The following SH3RF1 variants were observed in gnomAD, a reference collection of about 807,000 sequenced individuals.
SH3RF1 encodes E3 ubiquitin-protein ligase SH3RF1.
SH3RF1 carries 32 observed loss-of-function variants against 74.0 expected under a neutral mutation model. That is an observed-to-expected ratio of 0.43 (90% CI 0.33 to 0.58). The LOEUF (loss-of-function observed/expected upper bound fraction) is 0.58, where lower values mean the gene tolerates loss of function less well. SH3RF1 is among the 20% of genes least tolerant of loss of function. The pLI is 0.05. For synonymous variants in SH3RF1, 396 were observed against 439.6 expected, an observed-to-expected ratio of 0.90 and a Z score of 1.24; for missense variants, 954 against 1,130.9, an observed-to-expected ratio of 0.84 and a Z score of 2.24.
intron 11 of SH3RF1, among the ~76,000 whole-genome samples, chr4:169,100,161 TTA>T (rs945366159): frequency 2.0e-5 from 3 of 152,082 alleles, no homozygotes; most frequent in African/African-American, 7.2e-5. Flanking sequence ...CTCACTCGGA[TTA>T]TGCTTTTCTT....
chr4:169,187,216 T>C (rs1561047796), intron 2 of SH3RF1, among the ~76,000 whole-genome samples: 1 of 152,150 alleles, frequency 6.6e-6, no homozygotes, highest in Non-Finnish European at 1.5e-5. Context: ...GCTGACTGAT[T>C]GAAACAGGGT....
chr4:169,243,391 T>C (rs553936540), intron 2 of SH3RF1, among the ~76,000 whole-genome samples: 1 of 152,336 alleles, frequency 6.6e-6, no homozygotes, highest in South Asian at 2.1e-4. Context: ...CGCATGCCTG[T>C]AATCCCAGCT....
intron 4 of SH3RF1, among the ~76,000 whole-genome samples, chr4:169,151,963 G>A (rs1336951311): frequency 6.6e-6 from 1 of 152,170 alleles, no homozygotes; most frequent in Non-Finnish European, 1.5e-5. Flanking sequence ...TTGAATGAAT[G>A]AGTCAGCTCC....
rs545733844 is a variant in SH3RF1, at chr4:169,269,330, G to A, written c.-95-23C>T. The A allele has an allele frequency of 2.3e-4, 254 of 1,122,544 alleles. No homozygotes were observed. The African/African-American group carries it at 3.7e-3, about 16-fold the overall frequency. 69.5% of individuals were successfully genotyped at this position (1,122,544 alleles called of 1,614,324 possible). A position where few individuals can be genotyped will look rare whatever the true frequency, so the allele number is the denominator to read the frequency against. ...GCTCTAGAGTCATGGGGAAAAGGGGGAAAAGAGAACATGAGTGTTGTTATC... is the reference window on the plus strand; with the variant it reads ...GCTCTAGAGTCATGGGGAAAAGGGGAAAAAGAGAACATGAGTGTTGTTATC... On this transcript the variant is annotated intron_variant, in intron 1 of 11. Transcript: ENST00000284637.
intron 2 of SH3RF1, among the ~76,000 whole-genome samples, chr4:169,206,141 C>T (rs1730253417): frequency 6.6e-6 from 1 of 152,224 alleles, no homozygotes; most frequent in Non-Finnish European, 1.5e-5. Flanking sequence ...TAAAGAGCAT[C>T]TCTTGCATAT....
intron 4 of SH3RF1, among the ~76,000 whole-genome samples, chr4:169,140,846 C>G (rs6856344): frequency 0.19 from 28,321 of 152,026 alleles, 2,686 homozygotes; most frequent in African/African-American, 0.22. Context: ...AACAGTAGAT[C>G]TGAGAAGTAA....
intron 2 of SH3RF1, among the ~76,000 whole-genome samples, chr4:169,159,842 G>A (rs1299666295): frequency 6.6e-6 from 1 of 152,110 alleles, no homozygotes; most frequent in Non-Finnish European, 1.5e-5. Flanking sequence ...TGCAAAGAAT[G>A]TTCCTCCTAG....
chr4:169,160,491 A>G (rs1325493695), intron 2 of SH3RF1, among the ~76,000 whole-genome samples: 1 of 152,366 alleles, frequency 6.6e-6, no homozygotes, highest in East Asian at 1.9e-4. Context: ...GATGCAACTG[A>G]AAATTCATTA....
chr4:169,215,636 TTG>T (rs1469686755), intron 2 of SH3RF1, among the ~76,000 whole-genome samples: 1 of 152,198 alleles, frequency 6.6e-6, no homozygotes, highest in Non-Finnish European at 1.5e-5. Context: ...CCTATACAGA[TTG>T]TCTCTTCACT....
At chr4:169,189,940 A>G (rs1287785130) in intron 2 of SH3RF1, among the ~76,000 whole-genome samples, 1 of 152,242 alleles carries the variant, frequency 6.6e-6, no homozygotes, top group African/African-American at 2.4e-5. Context: ...AAAACCATGC[A>G]AATACATGGA....
At chr4:169,113,340 C>T (rs1435091133) in intron 10 of SH3RF1, among the ~76,000 whole-genome samples, 1 of 152,104 alleles carries the variant, frequency 6.6e-6, no homozygotes, top group Non-Finnish European at 1.5e-5. Flanking sequence ...CAACTCCTGA[C>T]CTCAGGTGAT....
At chr4:169,182,862 A>G (rs550798970) in intron 2 of SH3RF1, among the ~76,000 whole-genome samples, 1 of 152,212 alleles carries the variant, frequency 6.6e-6, no homozygotes, top group Non-Finnish European at 1.5e-5. Flanking sequence ...CAACCAAAAA[A>G]AAAAGGAGAA....
Position 169,120,840 on chromosome 4 carries a change from T to C in SH3RF1, c.1496A>G (p.Asn499Ser), listed in dbSNP as rs1312434459. The change falls in exon 8 of 12, where the codon AAT (asparagine) becomes AGT (serine). Residue 499 changes from asparagine (N) to serine (S), a missense_variant. Asn to Ser is a conservative substitution (Grantham distance 46). Around this residue, in one of 3 missense-constraint regions of SH3RF1, gnomAD observed 854 missense variants for 962.5 expected, o/e 0.89. Coordinates refer to ENST00000284637, the MANE Select transcript of SH3RF1 (RefSeq NM_020870.4). ...ATACCTTGTGACTGGTGCCACATAA[T>C]TGCCAGGGAAAACCCCTATCTTGCT... ...HTSKIGVFPG[N>S]YVAPVTRAVT... The C allele has an allele frequency of 2.5e-6, 4 of 1,614,064 alleles. No individual in the cohort carries two copies. In the South Asian group the frequency reaches 3.3e-5, roughly 13 times the overall value.
At chr4:169,187,195 T>C (rs1182807903) in intron 2 of SH3RF1, among the ~76,000 whole-genome samples, 1 of 152,134 alleles carries the variant, frequency 6.6e-6, no homozygotes, top group African/African-American at 2.4e-5. Context: ...CACGTATATA[T>C]GTATGTATGT....
chr4:169,234,610 T>C (rs983799855), intron 2 of SH3RF1, among the ~76,000 whole-genome samples: 18 of 152,168 alleles, frequency 1.2e-4, no homozygotes, highest in African/African-American at 4.3e-4. Context: ...GACTTTGCTA[T>C]ACCTCACAGC....
At chr4:169,164,310 T>A (rs1734196426) in intron 2 of SH3RF1, among the ~76,000 whole-genome samples, 1 of 152,132 alleles carries the variant, frequency 6.6e-6, no homozygotes, top group Admixed American at 6.5e-5. Flanking sequence ...GACTGAGTGG[T>A]AAGGTGTGGA....
chr4:169,108,273 C>G (rs1158210029), intron 10 of SH3RF1, among the ~76,000 whole-genome samples: 1 of 152,166 alleles, frequency 6.6e-6, no homozygotes, highest in Non-Finnish European at 1.5e-5. Flanking sequence ...TTAAGGCCCA[C>G]TAACAGGGAA....
At chr4:169,264,976 T>C (rs1214013638) in intron 2 of SH3RF1, among the ~76,000 whole-genome samples, 1 of 152,184 alleles carries the variant, frequency 6.6e-6, no homozygotes, top group East Asian at 1.9e-4. Context: ...ACCCTTAAGA[T>C]CTCAGCTCAG....
intron 2 of SH3RF1, among the ~76,000 whole-genome samples, chr4:169,207,931 A>G (rs1467944590): frequency 6.6e-6 from 1 of 152,058 alleles, no homozygotes. Context: ...GGGGGGTGTC[A>G]GTAGGGGTGG....
Sources: gnomAD v4.1 joint callset for allele counts (sites outside exome capture counted in the v4.1 genomes callset) on GRCh38, gnomAD v4.1.1 for gene constraint, gnomAD v4.1.1 regional missense constraint, MANE v1.5 for transcripts, NCBI Gene and HGNC (gene_info 2026-07-23, HGNC 2026-07-21) for gene names.